ABCG1: variants seen among roughly 807,000 people sequenced by gnomAD.
The protein encoded by ABCG1 is ATP-binding cassette sub-family G member 1.
A neutral mutation model predicts 69.2 loss-of-function variants in ABCG1; 29 were observed. That is an observed-to-expected ratio of 0.42 (90% CI 0.31 to 0.57). ABCG1 has a LOEUF of 0.57. Ranked by LOEUF, ABCG1 falls within the 20% of genes least tolerant of loss-of-function variation. The pLI is 0.15. For missense variants in ABCG1, 718 were observed against 898.1 expected, an observed-to-expected ratio of 0.80 and a Z score of 2.56; for synonymous variants, 370 against 374.8, an observed-to-expected ratio of 0.99 and a Z score of 0.15.
At chr21:42,210,349 G>A (rs952139685) in intron 2 of ABCG1, among the ~76,000 whole-genome samples, 1 of 152,140 alleles carries the variant, frequency 6.6e-6, no homozygotes, top group African/African-American at 2.4e-5. Flanking sequence ...GTACACAGTG[G>A]TTCCAGTTAC....
rs762873650 is a variant in ABCG1, at chr21:42,273,916, C to A, written c.537+481C>A. Among the ~76,000 whole-genome samples the A allele has an allele frequency of 6.6e-6, 1 of 152,090 alleles. No individual in the cohort carries two copies. The highest frequency in any genetic ancestry group is 2.4e-5 in the African/African-American group (1 of 41,408). On this transcript the variant is annotated intron_variant, in intron 4 of 14. Coordinates refer to ENST00000398449, the MANE Select transcript of ABCG1 (RefSeq NM_016818.3). The surrounding 1 kb of genome is among the most constrained non-coding windows in gnomAD (Gnocchi z 5.3). ...GTGGGAAAATGAAACCAGCAGTGGC[C>A]GAGCATCTCCTGGGTCCCAGGCCCT... is the stretch of plus-strand genomic sequence containing the variant.
intron 2 of ABCG1, among the ~76,000 whole-genome samples, chr21:42,268,452 T>C (rs772401115): frequency 8.6e-5 from 13 of 152,040 alleles, no homozygotes; most frequent in Admixed American, 4.6e-4. Flanking sequence ...TGGTGTTTCC[T>C]GGGCCCCTCA....
chr21:42,268,042 A>G (rs935529219), intron 2 of ABCG1, among the ~76,000 whole-genome samples: 4 of 152,078 alleles, frequency 2.6e-5, no homozygotes, highest in African/African-American at 9.7e-5. Context: ...TGTTTCAAAT[A>G]CTGAACCTGG....
intron 2 of ABCG1, 26 bp from the exon 3 acceptor site, chr21:42,271,044 T>C (rs1294914671): frequency 6.5e-6 from 9 of 1,392,876 alleles, no homozygotes; most frequent in Non-Finnish European, 8.6e-6. Context: ...ATGAAATGAA[T>C]ATGAATATGA....
Position 42,294,605 on chromosome 21 carries a change from A to C in ABCG1, c.1717A>C (p.Ser573Arg). 6.2e-7 allele frequency: 1 copy of C among 1,614,168 alleles called. No individual in the cohort carries two copies. The highest frequency in any genetic ancestry group is 8.5e-7 in the Non-Finnish European group (1 of 1,180,014). The change falls in exon 14 of 15, where the codon AGC (serine) becomes CGC (arginine). Residue 573 changes from serine to arginine, a missense_variant. Coordinates refer to ENST00000398449, the MANE Select transcript of ABCG1 (RefSeq NM_016818.3). ...PVLLFSGFFVSFDTIPTYLQW... is the reference protein window; with the variant it reads ...PVLLFSGFFVRFDTIPTYLQW... ...GCTCCTGTTCTCGGGGTTCTTCGTC[A>C]GCTTCGACACCATCCCCACGTACCT...
intron 2 of ABCG1, among the ~76,000 whole-genome samples, chr21:42,268,950 G>A (rs1191044254): frequency 1.3e-5 from 2 of 152,176 alleles, no homozygotes; most frequent in Non-Finnish European, 2.9e-5. Flanking sequence ...GTCAGCCCCA[G>A]GCACTGTCAA....
chr21:42,255,311 G>A (rs142049890), intron 2 of ABCG1, among the ~76,000 whole-genome samples: 70 of 152,264 alleles, frequency 4.6e-4, no homozygotes, highest in African/African-American at 1.6e-3. Flanking sequence ...ATATGATAGT[G>A]TGTACATGGT....
chr21:42,225,615 T>G, intron 1 of ABCG1, 56 bp from the exon 2 acceptor site: 1 of 1,590,800 alleles, frequency 6.3e-7, no homozygotes, highest in Non-Finnish European at 8.6e-7. Context: ...TCTCTTCATG[T>G]TCTTTTTCTT....
intron 5 of ABCG1, among the ~76,000 whole-genome samples, chr21:42,277,493 A>C (rs1410498039): frequency 6.6e-6 from 1 of 151,876 alleles, no homozygotes; most frequent in East Asian, 1.9e-4. Context: ...TCCTAAACCC[A>C]GGGAGCAGGG....
chr21:42,295,933 G>A (rs1214704419), intron 14 of ABCG1, among the ~76,000 whole-genome samples: 1 of 152,038 alleles, frequency 6.6e-6, no homozygotes, highest in African/African-American at 2.4e-5. Flanking sequence ...TTGTTTTTTT[G>A]CTGGGGGCCC....
chr21:42,255,287 G>A (rs1220731482), intron 2 of ABCG1, among the ~76,000 whole-genome samples: 1 of 152,214 alleles, frequency 6.6e-6, no homozygotes, highest in African/African-American at 2.4e-5. Context: ...TGTACATGGT[G>A]TGTCTGTGCC....
In ABCG1 at chr21:42,248,902, CAAAAAAAAAA is replaced by C. The variant is rs71332356; in HGVS notation, c.287-22159_287-22150del. ...CTGAGTGACAGAGCAAGACCTCTCTCAAAAAAAAAAAAAAAAAAGAGCGAATAAACAAACT... is the reference window on the plus strand; with the variant it reads ...CTGAGTGACAGAGCAAGACCTCTCTCAAAAAAAAGAGCGAATAAACAAACT... On this transcript the variant is annotated intron_variant, in intron 2 of 14. Coordinates refer to ENST00000398449, the MANE Select transcript of ABCG1 (RefSeq NM_016818.3). Among the ~76,000 whole-genome samples, 45 of 91,068 alleles carry C rather than the reference CAAAAAAAAAA, an allele frequency of 4.9e-4. No homozygotes were observed. The South Asian group carries it at 9.3e-3, about 19-fold the overall frequency. 59.7% of individuals were successfully genotyped at this position (91,068 alleles called of 152,430 possible). A position where few individuals can be genotyped will look rare whatever the true frequency, so the allele number is the denominator to read the frequency against.
rs531751331 is a variant in ABCG1 at position 42,230,353 on chromosome 21, G to A, written c.286+4439G>A. 2.6e-5 allele frequency among the ~76,000 whole-genome samples: 4 copies of A among 152,344 alleles called. No individual in the cohort carries two copies. The South Asian group carries it at 8.3e-4, about 32-fold the overall frequency. ...GATAATTTCCCCGGCCTCAGATACA[G>A]TAATTACTCTCCCTCAAGGAATTCA... On this transcript the variant is annotated intron_variant, in intron 2 of 14. Transcript: ENST00000398449.
At chr21:42,289,854 G>T (rs1363553631) in intron 10 of ABCG1, among the ~76,000 whole-genome samples, 196 bp from the exon 11 acceptor site, 2 of 152,198 alleles carry the variant, frequency 1.3e-5, no homozygotes, top group African/African-American at 4.8e-5. Flanking sequence ...GCGTGTATGT[G>T]TGTGTGTGAG....
chr21:42,201,483 A>G, intron 1 of ABCG1: 1 of 779,500 alleles, frequency 1.3e-6, no homozygotes, highest in South Asian at 1.8e-5. Context: ...TCTGCAGCCC[A>G]GGGGTTGGGG....
At chr21:42,205,281 T>C (rs1316654083) in intron 2 of ABCG1, among the ~76,000 whole-genome samples, 1 of 152,102 alleles carries the variant, frequency 6.6e-6, no homozygotes, top group Non-Finnish European at 1.5e-5. Context: ...TTTCCTTTGC[T>C]CATCTTGCTA....
chr21:42,289,679 G>A (rs952316770), intron 10 of ABCG1, among the ~76,000 whole-genome samples: 3 of 152,156 alleles, frequency 2.0e-5, no homozygotes, highest in Admixed American at 6.5e-5. Context: ...AGTTCTTAGA[G>A]CCTCTGATAT....
chr21:42,231,903 G>A (rs2123553286), intron 2 of ABCG1, among the ~76,000 whole-genome samples: 1 of 152,344 alleles, frequency 6.6e-6, no homozygotes, highest in East Asian at 1.9e-4. Flanking sequence ...GCTGACCCCT[G>A]GTGCAGTGTC....
chr21:42,251,005 A>C (rs1239579815), intron 2 of ABCG1, among the ~76,000 whole-genome samples: 2 of 151,472 alleles, frequency 1.3e-5, no homozygotes, highest in Non-Finnish European at 2.9e-5. Context: ...AGAAACGAAC[A>C]CAGGGACAGC....
Sources: allele counts gnomAD v4.1 joint callset (sites outside exome capture counted in the v4.1 genomes callset), GRCh38; gene constraint gnomAD v4.1.1; non-coding constraint Gnocchi (gnomAD v3.1); transcripts MANE v1.5; gene names NCBI Gene and HGNC (gene_info 2026-07-23, HGNC 2026-07-21).